LIN7B: variants seen among roughly 807,000 people sequenced by gnomAD.
LIN7B encodes protein lin-7 homolog B.
LIN7B carries 16 observed loss-of-function variants against 27.9 expected under a neutral mutation model. The observed-to-expected ratio is 0.57, with a 90% CI of 0.39 to 0.87. The LOEUF (loss-of-function observed/expected upper bound fraction) is 0.87. LIN7B is among the 40% of genes least tolerant of loss of function. The probability of loss-of-function intolerance (pLI) is 0.00; values close to 1 mark genes in which losing one functional copy is unlikely to be tolerated. For synonymous variants in LIN7B, 147 were observed against 120.8 expected, an observed-to-expected ratio of 1.22 and a Z score of -1.42; for missense variants, 291 against 288.5, an observed-to-expected ratio of 1.01 and a Z score of -0.06.
In LIN7B at chr19:49,116,413, G is replaced by A; in HGVS notation, c.379G>A (p.Val127Met). ...IYISRVIPGG[V>M]ADRHGGLKRG... ...CATCTCCCGGGTCATCCCAGGGGGT[G>A]TGGCTGACCGCCATGGAGGCCTCAA... is the stretch of plus-strand genomic sequence containing the variant. The change falls in exon 4 of 6, where the codon GTG becomes ATG. Residue 127 changes from valine (V) to methionine (M), a missense_variant. By Grantham distance (21) the Val-to-Met change is conservative (BLOSUM62 1). Coordinates refer to ENST00000221459, the MANE Select transcript of LIN7B (RefSeq NM_022165.3). 4 of 1,614,282 alleles carry A rather than the reference G, an allele frequency of 2.5e-6. No individual in the cohort carries two copies. Among genetic ancestry groups the A allele is most frequent in the Non-Finnish European group, 2.5e-6 (3 of 1,180,046 alleles).
intron 2 of LIN7B, 74 bp downstream of exon 2, chr19:49,115,041 C>A: frequency 1.9e-6 from 2 of 1,075,736 alleles, no homozygotes; most frequent in Non-Finnish European, 2.5e-6. Context: ...TTGTCCCGAG[C>A]CCGGAGACTA....
intron 4 of LIN7B, among the ~76,000 whole-genome samples, chr19:49,116,776 G>T (rs1371397428): frequency 2.6e-5 from 4 of 152,236 alleles, no homozygotes; most frequent in African/African-American, 7.2e-5. Context: ...AGGTTTTGCA[G>T]AGTAAGGAAC....
In LIN7B at chr19:49,116,477, G is replaced by A; in HGVS notation, c.438+5G>A. 1 of 1,612,832 alleles carries A rather than the reference G, an allele frequency of 6.2e-7. No individual in the cohort carries two copies. ...CTGTTGTCGGTGAACGGTGTGGTGA[G>A]TGGAGGGCTGAGGCAGGACTGGGGG... On this transcript the variant is annotated splice_donor_5th_base_variant and intron_variant, in intron 4 of 5. Coordinates refer to ENST00000221459, the MANE Select transcript of LIN7B (RefSeq NM_022165.3).
chr19:49,114,472 C>G (rs920231408), intron 1 of LIN7B, 31 bp downstream of exon 1: 3 of 1,205,162 alleles, frequency 2.5e-6, no homozygotes, highest in Non-Finnish European at 3.1e-6. Flanking sequence ...CCTGCCCACC[C>G]GGGCCGCGGC....
rs111279338 is a variant in LIN7B at position 49,115,472 on chromosome 19, G to A, written c.228+141G>A. ...GCCACCTTACTATTAGTAAATAATCGCACATTTTTAACTTAAATGTCATAC... is the reference window on the plus strand; with the variant it reads ...GCCACCTTACTATTAGTAAATAATCACACATTTTTAACTTAAATGTCATAC... On this transcript the variant is annotated intron_variant, in intron 3 of 5. Coordinates refer to ENST00000221459, the MANE Select transcript of LIN7B (RefSeq NM_022165.3). The A allele has an allele frequency of 2.9e-5, 21 of 725,650 alleles. 1 individual carries two copies. The highest frequency in any genetic ancestry group is 2.4e-4 in the Middle Eastern group (1 of 4,114). 45.0% of individuals were successfully genotyped at this position (725,650 alleles called of 1,614,324 possible).
At position 49,115,370 on chromosome 19, in the gene LIN7B, C is replaced by T. The variant is rs753868073; in HGVS notation, c.228+39C>T. On this transcript the variant is annotated intron_variant, in intron 3 of 5. Transcript: ENST00000221459. The stretch of plus-strand genomic sequence containing the variant: ...CCCATTGCTCCTGGTGTCTATTTAA[C>T]TGCCTAGTCGAACTCAATATCTCCT... 19 of 1,519,622 alleles carry T rather than the reference C, an allele frequency of 1.3e-5. No homozygotes were observed. The East Asian group carries it at 2.2e-4, about 18-fold the overall frequency. The allele number at this position is 1,519,622 out of a possible 1,614,324, so 94.1% of individuals were successfully genotyped here.
intron 2 of LIN7B, 111 bp downstream of exon 2, chr19:49,115,078 C>A: frequency 1.1e-6 from 1 of 922,700 alleles, no homozygotes; most frequent in Non-Finnish European, 1.5e-6. Flanking sequence ...CCGAGGCGGC[C>A]CGCCTTGGGG....
chr19:49,118,257 C>A (rs2040868579), intron 5 of LIN7B, 95 bp from the exon 6 acceptor site: 8 of 1,448,854 alleles, frequency 5.5e-6, no homozygotes, highest in Non-Finnish European at 5.8e-6. Flanking sequence ...CCTCAGCCCA[C>A]TTACCTGGGC....
At position 49,117,027 on chromosome 19, in the gene LIN7B, C is replaced by T. The variant is rs2040836663; in HGVS notation, c.438+555C>T. Among the ~76,000 whole-genome samples, 3 of 152,158 alleles carry T rather than the reference C, an allele frequency of 2.0e-5. No individual in the cohort carries two copies. The South Asian group carries it at 6.2e-4, about 32-fold the overall frequency. ...TTGGGAGGCTGAGGCACGTGGATCACTTGAGGTCAGGAGTTCAAGACCAGC... is the reference window on the plus strand; with the variant it reads ...TTGGGAGGCTGAGGCACGTGGATCATTTGAGGTCAGGAGTTCAAGACCAGC... On this transcript the variant is annotated intron_variant, in intron 4 of 5. Transcript: ENST00000221459.
chr19:49,115,294 C>G lies in LIN7B; in HGVS notation c.191C>G (p.Thr64Ser). The G allele has an allele frequency of 6.4e-7, 1 of 1,567,542 alleles. No homozygotes were observed. The highest frequency in any genetic ancestry group is 1.2e-5 in the South Asian group (1 of 85,270). ...CAGCTTTATGACACGCTGGACATCACCGGCAGCGCCGAGATCCGAGCCCAT... is the reference window on the plus strand; with the variant it reads ...CAGCTTTATGACACGCTGGACATCAGCGGCAGCGCCGAGATCCGAGCCCAT... ...YEQLYDTLDI[T>S]GSAEIRAHAT... The change falls in exon 3 of 6, where the codon ACC becomes AGC. Residue 64 changes from threonine (T) to serine (S), a missense_variant. By Grantham distance (58) the Thr-to-Ser change is moderately conservative. Transcript: ENST00000221459.
In LIN7B at chr19:49,118,396, G is replaced by A. The variant is rs2040872850; in HGVS notation, c.*23G>A. On this transcript the variant is annotated 3_prime_UTR_variant, in exon 6 of 6. Transcript: ENST00000221459. ...TGAAACCACAGATCTGGACGTTCAC[G>A]TGCACTCTCTTCCTGTACAGTATTT... 1.9e-6 allele frequency: 3 copies of A among 1,613,376 alleles called. No individual in the cohort carries two copies. Among genetic ancestry groups the A allele is most frequent in the East Asian group, 4.5e-5 (2 of 44,882 alleles).
chr19:49,114,738 G>C (rs1249171328), intron 1 of LIN7B, 111 bp from the exon 2 acceptor site: 1 of 579,232 alleles, frequency 1.7e-6, no homozygotes, highest in Non-Finnish European at 2.7e-6. Context: ...ACTAGGCTTC[G>C]GCCGTCCTCC....
rs2040808535 is a variant in LIN7B at position 49,115,351 on chromosome 19, G to A, written c.228+20G>A. 1.3e-6 allele frequency: 2 copies of A among 1,556,322 alleles called. No individual in the cohort carries two copies. The highest frequency in any genetic ancestry group is 2.4e-5 in the South Asian group (2 of 84,430). On this transcript the variant is annotated intron_variant, in intron 3 of 5. Transcript: ENST00000221459. ...GCCAAGGTGGGCCCCGCACCCCATT[G>A]CTCCTGGTGTCTATTTAACTGCCTA...
chr19:49,116,130 G>T, intron 3 of LIN7B, 133 bp from the exon 4 acceptor site: 1 of 669,848 alleles, frequency 1.5e-6, no homozygotes, highest in Non-Finnish European at 2.6e-6. Flanking sequence ...ATCGTGCATT[G>T]TGCCATGACA....
chr19:49,115,574 G>A (rs934885961), intron 3 of LIN7B: 1 of 435,890 alleles, frequency 2.3e-6, no homozygotes, highest in African/African-American at 2.1e-5. Context: ...TCTGTACAGT[G>A]CAAACCAGGA....
At chr19:49,117,245 C>CAAA (rs1256318523) in intron 4 of LIN7B, among the ~76,000 whole-genome samples, 5 of 36,344 alleles carry the variant, frequency 1.4e-4, no homozygotes, top group African/African-American at 3.1e-4. Flanking sequence ...GACTCCCTCT[C>CAAA]AAAAAAAAAA....
intron 4 of LIN7B, among the ~76,000 whole-genome samples, chr19:49,116,778 G>C (rs1379745771): frequency 6.6e-6 from 1 of 152,236 alleles, no homozygotes; most frequent in Non-Finnish European, 1.5e-5. Flanking sequence ...GTTTTGCAGA[G>C]TAAGGAACAT....
chr19:49,114,421 A>G lies in LIN7B; in HGVS notation c.17A>G (p.Glu6Gly). The change falls in exon 1 of 6, where the codon GAG (glutamate) becomes GGG (glycine). Residue 6 changes from glutamate to glycine, a missense_variant. By Grantham distance (98) the Glu-to-Gly change is moderately conservative. Transcript: ENST00000221459. ...GGCGCCGACATGGCTGCGCTGGTGGAGCCGCTGGGGCTGGAGCGGGGTAAG... is the reference window on the plus strand; with the variant it reads ...GGCGCCGACATGGCTGCGCTGGTGGGGCCGCTGGGGCTGGAGCGGGGTAAG... The part of the protein sequence containing the change: MAALV[E>G]PLGLERDVSR... 8.3e-7 allele frequency: 1 copy of G among 1,205,498 alleles called. No individual in the cohort carries two copies. The highest frequency in any genetic ancestry group is 1.0e-6 in the Non-Finnish European group (1 of 971,020). The allele number at this position is 1,205,498 out of a possible 1,614,324, so 74.7% of individuals were successfully genotyped here.
chr19:49,117,910 G>A lies in LIN7B; in HGVS notation c.494G>A (p.Gly165Asp). ...KAVELLKAAQGSVKLVVRYTP... is the reference protein window; with the variant it reads ...KAVELLKAAQDSVKLVVRYTP... ...GTGGAGCTGCTGAAGGCGGCCCAGG[G>A]CTCGGTGAAGCTGGTTGTCCGTTAC... The change falls in exon 5 of 6, where the codon GGC becomes GAC. Residue 165 changes from glycine to aspartate, a missense_variant. Transcript: ENST00000221459. The A allele has an allele frequency of 1.2e-6, 2 of 1,614,104 alleles. No individual in the cohort carries two copies. Among genetic ancestry groups the A allele is most frequent in the Non-Finnish European group, 1.7e-6 (2 of 1,179,986 alleles).
Sources: allele counts gnomAD v4.1 joint callset (sites outside exome capture counted in the v4.1 genomes callset), GRCh38; gene constraint gnomAD v4.1.1; transcripts MANE v1.5; gene names NCBI Gene and HGNC (gene_info 2026-07-23, HGNC 2026-07-21).